The following RIMS2 variants were observed in gnomAD, a reference collection of about 807,000 sequenced individuals.
RIMS2 encodes the protein regulating synaptic membrane exocytosis protein 2.
A neutral mutation model predicts 174.4 loss-of-function variants in RIMS2; 59 were observed. The ratio of observed to expected loss-of-function variants is 0.34; its 90% confidence interval spans 0.27 to 0.42. The LOEUF (loss-of-function observed/expected upper bound fraction) is 0.42. Among genes scored for constraint, RIMS2 ranks in the 10% least tolerant of loss-of-function variants. The probability of loss-of-function intolerance (pLI) is 1.00; values close to 1 mark genes in which losing one functional copy is unlikely to be tolerated. For missense variants in RIMS2, 1,620 were observed against 1,666.3 expected, an observed-to-expected ratio of 0.97 and a Z score of 0.48; for synonymous variants, 606 against 572.5, an observed-to-expected ratio of 1.06 and a Z score of -0.84.
intron 19 of RIMS2, among the ~76,000 whole-genome samples, chr8:104,179,095 A>G (rs754515622): frequency 2.6e-5 from 4 of 152,232 alleles, no homozygotes; most frequent in Non-Finnish European, 5.9e-5. Context: ...TCCTGGTATA[A>G]TCAGAGACAG....
chr8:103,742,436 T>G (rs2097770815), intron 2 of RIMS2, among the ~76,000 whole-genome samples: 1 of 152,142 alleles, frequency 6.6e-6, no homozygotes, highest in African/African-American at 2.4e-5. Flanking sequence ...ACTTTTGCCA[T>G]GATCTGAACA....
intron 1 of RIMS2, among the ~76,000 whole-genome samples, chr8:103,588,843 G>A (rs1348038270): frequency 6.6e-6 from 1 of 151,826 alleles, no homozygotes; most frequent in East Asian, 1.9e-4. Flanking sequence ...TAGGATATTG[G>A]TCTGGGCAAA....
chr8:103,715,829 T>C (rs1167976675), intron 2 of RIMS2, among the ~76,000 whole-genome samples: 1 of 152,152 alleles, frequency 6.6e-6, no homozygotes, highest in Non-Finnish European at 1.5e-5. Context: ...AGAAACAATA[T>C]GTGTAATTCA....
intron 19 of RIMS2, among the ~76,000 whole-genome samples, chr8:104,185,103 T>C (rs1480692680): frequency 6.6e-6 from 1 of 151,558 alleles, no homozygotes; most frequent in East Asian, 1.9e-4. Flanking sequence ...TTTATTCTTA[T>C]GAATAAATGA....
At chr8:104,236,468 TAG>T (rs1320986662) in intron 19 of RIMS2, among the ~76,000 whole-genome samples, 2 of 152,096 alleles carry the variant, frequency 1.3e-5, no homozygotes, top group Non-Finnish European at 2.9e-5. Context: ...AACTTAAAAA[TAG>T]ACTTAAAATG....
intron 1 of RIMS2, among the ~76,000 whole-genome samples, chr8:103,679,932 C>G (rs1730067909): frequency 6.6e-6 from 1 of 151,942 alleles, no homozygotes; most frequent in African/African-American, 2.4e-5. Context: ...GGAATATAGT[C>G]AAACTCATGT....
In RIMS2 at chr8:103,777,701, G is replaced by A. The variant is rs142617131; in HGVS notation, c.698+11164G>A. Among the ~76,000 whole-genome samples the A allele has an allele frequency of 6.2e-3, 936 of 152,018 alleles. 12 individuals are homozygous for A. Among genetic ancestry groups the A allele is most frequent in the African/African-American group, 0.021 (886 of 41,514 alleles). On this transcript the variant is annotated intron_variant, in intron 3 of 23. Transcript: ENST00000504942. Reference sequence around the variant, plus strand: ...TAAATATAAATTCTGCCATTTGAAAGCTGTTAAAATATTTCATCATTTGAT... The same window carrying A: ...TAAATATAAATTCTGCCATTTGAAAACTGTTAAAATATTTCATCATTTGAT...
intron 1 of RIMS2, among the ~76,000 whole-genome samples, chr8:103,613,133 G>T (rs1276915150): frequency 6.6e-6 from 1 of 152,198 alleles, no homozygotes; most frequent in Non-Finnish European, 1.5e-5. Context: ...TCAGGGTGGT[G>T]CATTTTCCCA....
chr8:103,925,240 G>A lies in RIMS2; in HGVS notation c.2197-2602G>A, dbSNP rs181963537. On this transcript the variant is annotated intron_variant, in intron 10 of 23. Coordinates refer to ENST00000504942, the Ensembl canonical transcript of RIMS2. ...TTTTATTTCATTCACTTCATGATCT[G>A]TGGTTGATTTACGGTTGCAGTGTTT... Among the ~76,000 whole-genome samples, 3 of 151,658 alleles carry A rather than the reference G, an allele frequency of 2.0e-5. No homozygotes were observed. The East Asian group carries it at 5.8e-4, about 29-fold the overall frequency.
chr8:104,150,213 T>G (rs1057083572), intron 19 of RIMS2, among the ~76,000 whole-genome samples: 10 of 152,300 alleles, frequency 6.6e-5, no homozygotes, highest in African/African-American at 2.4e-4. Flanking sequence ...CTACTAATTT[T>G]TTTTAAATTA....
At chr8:103,851,096 G>A (rs528062596) in intron 3 of RIMS2, among the ~76,000 whole-genome samples, 1 of 152,000 alleles carries the variant, frequency 6.6e-6, no homozygotes, top group Admixed American at 6.6e-5. Context: ...AGGCATAAAG[G>A]GAAAGGTGCT....
chr8:104,129,956 T>C (rs1182212955), intron 19 of RIMS2, among the ~76,000 whole-genome samples: 2 of 152,230 alleles, frequency 1.3e-5, no homozygotes, highest in African/African-American at 2.4e-5. Context: ...TCAGCAAATA[T>C]TTATTGAATA....
chr8:103,834,792 C>T (rs1446406824), intron 3 of RIMS2, among the ~76,000 whole-genome samples: 2 of 147,936 alleles, frequency 1.4e-5, no homozygotes, highest in Admixed American at 6.9e-5. Flanking sequence ...TTCTTTCTTT[C>T]GAGACAGGGT....
At chr8:103,976,243 T>C (rs1480292221) in intron 16 of RIMS2, 1 of 152,200 alleles carries the variant, frequency 6.6e-6, no homozygotes, top group Non-Finnish European at 1.5e-5. Flanking sequence ...AACAAAATGC[T>C]ATTCAAGGAA....
chr8:104,254,548 AT>A (rs2140390375), downstream of RIMS2: 1 of 152,322 alleles, frequency 6.6e-6, no homozygotes, highest in African/African-American at 2.4e-5. Flanking sequence ...TCTCGATAAC[AT>A]AAGTGGACTG....
At chr8:103,659,731 G>T (rs917712209) in intron 1 of RIMS2, among the ~76,000 whole-genome samples, 1 of 152,178 alleles carries the variant, frequency 6.6e-6, no homozygotes, top group Non-Finnish European at 1.5e-5. Context: ...GGTGCAGAAA[G>T]GCTGGTGGTT....
At chr8:103,927,159 T>C (rs1329473620) in intron 10 of RIMS2, among the ~76,000 whole-genome samples, 1 of 151,478 alleles carries the variant, frequency 6.6e-6, no homozygotes, top group East Asian at 1.9e-4. Flanking sequence ...TTGTCATTAA[T>C]AGGTGTGATT....
intron 1 of RIMS2, among the ~76,000 whole-genome samples, chr8:103,543,680 G>A (rs1397458673): frequency 2.0e-5 from 3 of 152,130 alleles, no homozygotes; most frequent in Admixed American, 6.5e-5. Flanking sequence ...AGAGAGTCCA[G>A]AAATAAATTC....
At chr8:104,012,021 C>CTT (rs1226751710) in intron 17 of RIMS2, among the ~76,000 whole-genome samples, 2 of 151,798 alleles carry the variant, frequency 1.3e-5, no homozygotes, top group Non-Finnish European at 2.9e-5. Flanking sequence ...ATGAGGTTAC[C>CTT]TTTTCATTTC....
Sources: gnomAD v4.1 joint callset for allele counts (sites outside exome capture counted in the v4.1 genomes callset) on GRCh38, gnomAD v4.1.1 for gene constraint, MANE v1.5 for transcripts, NCBI Gene and HGNC (gene_info 2026-07-23, HGNC 2026-07-21) for gene names.